The following INSL6 variants were observed in gnomAD, a reference collection of about 807,000 sequenced individuals.
INSL6 encodes the protein insulin like 6.
Under a neutral mutation model 9.4 loss-of-function variants are expected in INSL6, and 16 were observed. The ratio of observed to expected loss-of-function variants is 1.70; its 90% confidence interval spans 1.15 to 2.59. INSL6 has a LOEUF of 2.59. Ranked by LOEUF, INSL6 falls within the 30% of genes most tolerant of loss-of-function variation. The pLI is 0.00. For missense variants in INSL6, 391 were observed against 257.3 expected, an observed-to-expected ratio of 1.52 and a Z score of -3.56; for synonymous variants, 154 against 96.9, an observed-to-expected ratio of 1.59 and a Z score of -3.46.
intron 1 of INSL6, among the ~76,000 whole-genome samples, chr9:5,177,711 G>C (rs534904380): frequency 2.6e-5 from 4 of 152,274 alleles, no homozygotes; most frequent in African/African-American, 9.6e-5. Context: ...CACCTGAAAC[G>C]GGACAGAGTT....
At chr9:5,151,440 T>A (rs938371128) in intron 2 of INSL6, among the ~76,000 whole-genome samples, 2 of 152,078 alleles carry the variant, frequency 1.3e-5, no homozygotes, top group Non-Finnish European at 2.9e-5. Context: ...GTAATAAAAA[T>A]GTTTGTGTGG....
intron 2 of INSL6, among the ~76,000 whole-genome samples, chr9:5,146,117 GT>G (rs375560349): frequency 3.7e-4 from 56 of 149,538 alleles, no homozygotes; most frequent in Admixed American, 2.1e-3. Context: ...TAACCTTTGG[GT>G]TTTTTTTTTC....
At chr9:5,132,388 T>C (rs1207021654) in intron 3 of INSL6, among the ~76,000 whole-genome samples, 3 of 152,192 alleles carry the variant, frequency 2.0e-5, no homozygotes, top group Non-Finnish European at 2.9e-5. Flanking sequence ...ATTTCTCTTA[T>C]TTTAAAACTA....
chr9:5,122,179 T>A (rs917079559), downstream of INSL6, among the ~76,000 whole-genome samples: 3 of 152,110 alleles, frequency 2.0e-5, no homozygotes, highest in African/African-American at 7.2e-5. Flanking sequence ...GTAATTCACA[T>A]TTTTAATATC....
chr9:5,178,347 T>C (rs148368343), intron 1 of INSL6, among the ~76,000 whole-genome samples: 1,761 of 152,236 alleles, frequency 0.012, 27 homozygotes, highest in African/African-American at 0.041. Context: ...TACTCAGCTG[T>C]TCCAGCTTGC....
chr9:5,065,933 A>G, the INSL6 span, among the ~76,000 whole-genome samples: 3 of 152,222 alleles, frequency 2.0e-5, no homozygotes, highest in East Asian at 1.9e-4. Context: ...TATTGTTGCT[A>G]TGAAAAAGTT....
the INSL6 span, chr9:5,064,824 T>A: frequency 2.1e-5 from 28 of 1,305,294 alleles, no homozygotes; most frequent in Non-Finnish European, 6.2e-6. Context: ...AAATTTTCAA[T>A]ATTTAACATG....
chr9:5,129,172 T>C (rs1824186571), intron 3 of INSL6, among the ~76,000 whole-genome samples: 1 of 152,122 alleles, frequency 6.6e-6, no homozygotes, highest in Non-Finnish European at 1.5e-5. Flanking sequence ...TACAGTTCTG[T>C]ATCTATAGAG....
At chr9:5,088,162 C>T in the INSL6 span, among the ~76,000 whole-genome samples, 18 of 152,026 alleles carry the variant, frequency 1.2e-4, no homozygotes, top group African/African-American at 3.4e-4. Flanking sequence ...GAATTGTCCG[C>T]GGTCACAGAG....
At chr9:5,110,652 A>T in the INSL6 span, 20 of 223,874 alleles carry the variant, frequency 8.9e-5, no homozygotes, top group East Asian at 2.3e-3. Context: ...TATTATCGAA[A>T]CCACAAATAC....
chr9:5,041,803 C>A, the INSL6 span: 6 of 485,536 alleles, frequency 1.2e-5, no homozygotes, highest in Non-Finnish European at 2.1e-5. Context: ...AAAGATCAGC[C>A]GCACAGCAAA....
intron 2 of INSL6, among the ~76,000 whole-genome samples, chr9:5,153,473 G>C (rs1824754039): frequency 1.3e-5 from 2 of 152,210 alleles, no homozygotes; most frequent in Admixed American, 1.3e-4. Flanking sequence ...GGCCACCGTG[G>C]AAAGACTGCC....
At chr9:5,140,942 A>C (rs1257285792) in intron 2 of INSL6, among the ~76,000 whole-genome samples, 2 of 152,000 alleles carry the variant, frequency 1.3e-5, no homozygotes, top group Non-Finnish European at 2.9e-5. Flanking sequence ...GCTCCCACTT[A>C]TAACTGAGAA....
the INSL6 span, among the ~76,000 whole-genome samples, chr9:5,062,712 T>A: frequency 2.0e-5 from 3 of 152,110 alleles, no homozygotes; most frequent in African/African-American, 7.2e-5. Flanking sequence ...CCTGTTTTCT[T>A]GTATCCTTTG....
At chr9:5,126,719 T>C (rs779671643) in intron 3 of INSL6, 3 of 1,611,076 alleles carry the variant, frequency 1.9e-6, no homozygotes, top group Non-Finnish European at 2.5e-6. Flanking sequence ...GGAACAATAA[T>C]GTAAATCAAC....
At chr9:5,101,071 G>C in the INSL6 span, 3 of 152,252 alleles carry the variant, frequency 2.0e-5, no homozygotes, top group African/African-American at 7.2e-5. Context: ...TTGAAGCAGG[G>C]CGGGGCATCA....
intron 1 of INSL6, among the ~76,000 whole-genome samples, chr9:5,179,527 A>G (rs1825396985): frequency 6.6e-6 from 1 of 152,268 alleles, no homozygotes. Context: ...TCATTCTGTT[A>G]TAAAGATACA....
chr9:5,054,458 C>T, the INSL6 span: 62 of 881,182 alleles, frequency 7.0e-5, no homozygotes, highest in South Asian at 9.9e-4. This position sits in a 1 kb window ranked among gnomAD's most constrained non-coding sequence, Gnocchi z 4.9. Flanking sequence ...TGTTGTAAGG[C>T]CTACTTAATC....
chr9:5,078,884 A>C, the INSL6 span, among the ~76,000 whole-genome samples: 2 of 152,192 alleles, frequency 1.3e-5, no homozygotes, highest in Non-Finnish European at 2.9e-5. Context: ...CCTTAAAAAA[A>C]CTTTGATTTG....
Sources: gnomAD v4.1 joint callset for allele counts (sites outside exome capture counted in the v4.1 genomes callset) on GRCh38, gnomAD v4.1.1 for gene constraint, Gnocchi (gnomAD v3.1) non-coding constraint, MANE v1.5 for transcripts, NCBI Gene and HGNC (gene_info 2026-07-23, HGNC 2026-07-21) for gene names.